RNF220: variants seen among roughly 807,000 people sequenced by gnomAD.
RNF220 encodes the protein ring finger protein 220.
RNF220 carries 7 observed loss-of-function variants against 67.1 expected under a neutral mutation model. The observed-to-expected ratio is 0.10, with a 90% CI of 0.06 to 0.20. RNF220 has a LOEUF of 0.20. Among genes scored for constraint, RNF220 ranks in the 10% least tolerant of loss-of-function variants. The probability of loss-of-function intolerance (pLI) is 1.00; values close to 1 mark genes in which losing one functional copy is unlikely to be tolerated. For synonymous variants in RNF220, 270 were observed against 283.2 expected, an observed-to-expected ratio of 0.95 and a Z score of 0.47; for missense variants, 565 against 740.3, an observed-to-expected ratio of 0.76 and a Z score of 2.75.
chr1:44,548,350 C>A (rs780685863), intron 2 of RNF220, among the ~76,000 whole-genome samples: 10 of 152,178 alleles, frequency 6.6e-5, no homozygotes, highest in Non-Finnish European at 1.3e-4. Flanking sequence ...CCAACAGCTC[C>A]TCATTGCTTC....
intron 8 of RNF220, among the ~76,000 whole-genome samples, chr1:44,641,242 C>T (rs1207291951): frequency 6.6e-6 from 1 of 152,142 alleles, no homozygotes; most frequent in East Asian, 1.9e-4. Flanking sequence ...CTGGCACCAC[C>T]CTGCTGGGTA....
At chr1:44,603,572 C>T in intron 2 of RNF220, among the ~76,000 whole-genome samples, 1 of 152,230 alleles carries the variant, frequency 6.6e-6, no homozygotes, top group East Asian at 1.9e-4. Context: ...TAATTCCCAG[C>T]TAAAAATGAC....
intron 7 of RNF220, 130 bp downstream of exon 7, chr1:44,635,718 C>T (rs773045548): frequency 6.6e-7 from 1 of 1,521,526 alleles, no homozygotes; most frequent in Admixed American, 2.1e-5. Context: ...TCCCCCGACA[C>T]TAGCTGCTGA....
At chr1:44,620,092 A>G (rs1036689910) in intron 3 of RNF220, among the ~76,000 whole-genome samples, 1 of 152,222 alleles carries the variant, frequency 6.6e-6, no homozygotes, top group Non-Finnish European at 1.5e-5. Context: ...GAAAGCAAAG[A>G]AAAAGAACTG....
Position 44,541,837 on chromosome 1 carries a change from G to C in RNF220, c.626-72328G>C, listed in dbSNP as rs137936088. 9.8e-5 allele frequency among the ~76,000 whole-genome samples: 15 copies of C among 152,292 alleles called. 1 individual carries two copies. In the East Asian group the frequency reaches 2.9e-3, roughly 29 times the overall value. On this transcript the variant is annotated intron_variant, in intron 2 of 14. Transcript: ENST00000361799. Reference sequence around the variant, plus strand: ...CACCTTGCTCTGAAACATTGCAACTGTCAGATTCCTTCTTCCCATATGTCT... The same window carrying C: ...CACCTTGCTCTGAAACATTGCAACTCTCAGATTCCTTCTTCCCATATGTCT...
At chr1:44,479,240 C>G (rs1366013694) in intron 2 of RNF220, among the ~76,000 whole-genome samples, 1 of 151,788 alleles carries the variant, frequency 6.6e-6, no homozygotes, top group Non-Finnish European at 1.5e-5. Context: ...CTCAGCCTCC[C>G]GAGTAGCTGG....
chr1:44,646,666 G>A lies in RNF220; in HGVS notation c.1445+1178G>A, dbSNP rs1356681394. Reference sequence around the variant, plus strand: ...GATGGCGCCCGAGGGGGAGGTGGGGGCAGAGCCAGTGGCTTCCATGAAGGT... The same window carrying A: ...GATGGCGCCCGAGGGGGAGGTGGGGACAGAGCCAGTGGCTTCCATGAAGGT... On this transcript the variant is annotated intron_variant, in intron 12 of 14. Coordinates refer to ENST00000361799, the MANE Select transcript of RNF220 (RefSeq NM_018150.4). Among the ~76,000 whole-genome samples the A allele has an allele frequency of 2.0e-5, 3 of 152,202 alleles. No individual in the cohort carries two copies. In the East Asian group the frequency reaches 5.8e-4, roughly 29 times the overall value.
At chr1:44,492,936 T>TA (rs968357075) in intron 2 of RNF220, among the ~76,000 whole-genome samples, 3 of 151,250 alleles carry the variant, frequency 2.0e-5, no homozygotes, top group Non-Finnish European at 3.0e-5. Context: ...TTTTTTTTTT[T>TA]ATATATGGAT....
chr1:44,530,534 A>G (rs1321652856), intron 2 of RNF220, among the ~76,000 whole-genome samples: 3 of 56,348 alleles, frequency 5.3e-5, no homozygotes, highest in Non-Finnish European at 1.2e-4. Flanking sequence ...AAATCTGCAA[A>G]AAAAAAAAAA....
At chr1:44,446,941 C>T (rs1181554068) in intron 2 of RNF220, among the ~76,000 whole-genome samples, 2 of 152,130 alleles carry the variant, frequency 1.3e-5, no homozygotes, top group Admixed American at 6.5e-5. Context: ...ACACCTGCAG[C>T]GATGCATAAT....
At chr1:44,534,274 C>T (rs571672329) in intron 2 of RNF220, among the ~76,000 whole-genome samples, 2 of 152,026 alleles carry the variant, frequency 1.3e-5, no homozygotes, top group African/African-American at 4.8e-5. Flanking sequence ...GCCATTGCAC[C>T]TGGCCTGAGC....
At chr1:44,633,091 G>A (rs547725342) in intron 6 of RNF220, among the ~76,000 whole-genome samples, 1 of 152,312 alleles carries the variant, frequency 6.6e-6, no homozygotes, top group Admixed American at 6.5e-5. Flanking sequence ...TAGGGTCTCT[G>A]GGTCAGCTGG....
chr1:44,514,640 T>C (rs988293978), intron 2 of RNF220, among the ~76,000 whole-genome samples: 2 of 152,338 alleles, frequency 1.3e-5, no homozygotes, highest in East Asian at 1.9e-4. Flanking sequence ...GTGTTCTCTA[T>C]GGACTAAGCT....
intron 2 of RNF220, among the ~76,000 whole-genome samples, chr1:44,536,587 C>A (rs150368261): frequency 6.6e-6 from 1 of 152,152 alleles, no homozygotes; most frequent in African/African-American, 2.4e-5. Context: ...TCTGGGGCTG[C>A]GGAGCTGGGG....
intron 2 of RNF220, among the ~76,000 whole-genome samples, chr1:44,529,402 C>T (rs1660658850): frequency 6.6e-6 from 1 of 152,056 alleles, no homozygotes; most frequent in Non-Finnish European, 1.5e-5. Context: ...GACAGAGTCT[C>T]GCTATGTCAC....
rs376054138 is a variant in RNF220 at position 44,635,856 on chromosome 1, T to C, written c.994-174T>C. On this transcript the variant is annotated intron_variant, in intron 7 of 14. Transcript: ENST00000361799. ...CTCCTTGGGCTCCAGCGGAAAACTA[T>C]TGGGAAGAGGCCCAGGTCTTTGACC... The C allele has an allele frequency of 1.7e-4, 232 of 1,336,416 alleles. No individual in the cohort carries two copies. In the East Asian group the frequency reaches 4.5e-3, roughly 26 times the overall value. The allele number at this position is 1,336,416 out of a possible 1,614,324, so 82.8% of individuals were successfully genotyped here.
intron 2 of RNF220, among the ~76,000 whole-genome samples, chr1:44,435,722 G>C (rs1220515540): frequency 1.3e-5 from 2 of 152,144 alleles, no homozygotes; most frequent in Non-Finnish European, 2.9e-5. Context: ...TTGAGGTCAG[G>C]AGTTTGAGAC....
At chr1:44,633,376 T>A (rs1049741234) in intron 6 of RNF220, among the ~76,000 whole-genome samples, 1 of 152,258 alleles carries the variant, frequency 6.6e-6, no homozygotes, top group Non-Finnish European at 1.5e-5. Flanking sequence ...AAGCCCGTGT[T>A]TCTCCAACCA....
chr1:44,488,657 T>C (rs186694181), intron 2 of RNF220, among the ~76,000 whole-genome samples: 1 of 151,976 alleles, frequency 6.6e-6, no homozygotes, highest in African/African-American at 2.4e-5. Context: ...ACATCATGAC[T>C]CAGTACACAT....
Sources: allele counts gnomAD v4.1 joint callset (sites outside exome capture counted in the v4.1 genomes callset), GRCh38; gene constraint gnomAD v4.1.1; transcripts MANE v1.5; gene names NCBI Gene and HGNC (gene_info 2026-07-23, HGNC 2026-07-21).